The following CATSPER3 variants were observed in gnomAD, a reference collection of about 807,000 sequenced individuals.
CATSPER3 encodes cation channel sperm-associated protein 3.
CATSPER3 carries 23 observed loss-of-function variants against 36.6 expected under a neutral mutation model. That is an observed-to-expected ratio of 0.63 (90% CI 0.45 to 0.89). The LOEUF is 0.89. Among genes scored for constraint, CATSPER3 ranks in the 40% least tolerant of loss-of-function variants. The pLI, the probability that CATSPER3 is intolerant of heterozygous loss-of-function variation, is 0.00. For synonymous variants in CATSPER3, 172 were observed against 184.1 expected, an observed-to-expected ratio of 0.93 and a Z score of 0.53; for missense variants, 474 against 503.9, an observed-to-expected ratio of 0.94 and a Z score of 0.57.
chr5:135,009,363 C>G lies in CATSPER3; in HGVS notation c.817-8C>G, dbSNP rs753699833. On this transcript the variant is annotated splice_polypyrimidine_tract_variant and splice_region_variant and intron_variant, in intron 5 of 7. Coordinates refer to ENST00000282611, the MANE Select transcript of CATSPER3 (RefSeq NM_178019.3). ...CCTGTAGTTGACCTCCATCGTCTGA[C>G]TCTCTAGGACTCCATCAGAAAGTTT... 1 of 1,613,022 alleles carries G rather than the reference C, an allele frequency of 6.2e-7. No homozygotes were observed. Among genetic ancestry groups the G allele is most frequent in the African/African-American group, 1.3e-5 (1 of 74,928 alleles).
rs1751683784 is a variant in CATSPER3 at position 134,977,093 on chromosome 5, G to T, written c.252+7001G>T. ...TCAGGGCCTTTTCCCCATTGTCTTG[G>T]TTATTAGCACTTAGCTCCCTTTCAG... On this transcript the variant is annotated intron_variant, in intron 2 of 7. Coordinates refer to ENST00000282611, the MANE Select transcript of CATSPER3 (RefSeq NM_178019.3). 2.0e-5 allele frequency among the ~76,000 whole-genome samples: 3 copies of T among 152,186 alleles called. No homozygotes were observed. The South Asian group carries it at 6.2e-4, about 31-fold the overall frequency.
At position 135,009,372 on chromosome 5, in the gene CATSPER3, A is replaced by T. The variant is rs72800379; in HGVS notation, c.818A>T (p.Asp273Val). Residue 273 changes from aspartate to valine, a missense_variant and splice_region_variant, in exon 6 of 8, where the codon GAC (aspartate) becomes GTC (valine). By Grantham distance (152) the Asp-to-Val change is radical. Transcript: ENST00000282611. ...FVGVMIMHTE[D>V]SIRKFERELM... is the part of the protein sequence containing the mutation. ...GACCTCCATCGTCTGACTCTCTAGG[A>T]CTCCATCAGAAAGTTTGAGCGAGAG... is the stretch of plus-strand genomic sequence containing the variant. 2 of 1,613,128 alleles carry T rather than the reference A, an allele frequency of 1.2e-6. No homozygotes were observed. The highest frequency in any genetic ancestry group is 8.5e-7 in the Non-Finnish European group (1 of 1,179,524).
intron 3 of CATSPER3, among the ~76,000 whole-genome samples, chr5:135,007,411 G>A (rs1022948002): frequency 6.6e-6 from 1 of 152,222 alleles, no homozygotes; most frequent in Non-Finnish European, 1.5e-5. Flanking sequence ...GCAATGTAGC[G>A]GGGAGATAAG....
rs138583631 is a variant in CATSPER3 at position 135,008,851 on chromosome 5, G to A, written c.686G>A (p.Trp229Ter). The change falls in exon 5 of 8, where the codon TGG (tryptophan) becomes TAG (stop). Residue 229 changes from tryptophan (W) to a stop codon, truncating the protein, a stop_gained. Coordinates refer to ENST00000282611, the MANE Select transcript of CATSPER3 (RefSeq NM_178019.3). LOFTEE classifies it high-confidence loss of function. ...TCCCTGCCTGAGCAGGTTGATGGCT[G>A]GACAGACCTGCAGAAGCAGTTGGAC... ...TLFSLATVDG[W>*]TDLQKQLDNR... 5.0e-6 allele frequency: 8 copies of A among 1,613,968 alleles called. No individual in the cohort carries two copies. In the African/African-American group the frequency reaches 1.1e-4, roughly 22 times the overall value.
At chr5:135,005,230 A>C (rs1175413048) in intron 3 of CATSPER3, among the ~76,000 whole-genome samples, 1 of 152,070 alleles carries the variant, frequency 6.6e-6, no homozygotes, top group African/African-American at 2.4e-5. Flanking sequence ...CTGCTGGCCA[A>C]GGGCTGTATC....
intron 3 of CATSPER3, among the ~76,000 whole-genome samples, chr5:134,997,564 C>T (rs1233186214): frequency 2.6e-5 from 4 of 152,222 alleles, no homozygotes; most frequent in Non-Finnish European, 4.4e-5. Context: ...GCCTCCTTGT[C>T]TCCAAATCCA....
At chr5:134,969,848 G>A in intron 1 of CATSPER3, 91 bp from the exon 2 acceptor site, 3 of 1,311,674 alleles carry the variant, frequency 2.3e-6, no homozygotes, top group Non-Finnish European at 2.2e-6. Context: ...AAGGGAGAAA[G>A]CAGAGCCTTG....
Position 134,969,970 on chromosome 5 carries a change from AAG to A in CATSPER3, c.135_136del (p.Arg45SerfsTer8), listed in dbSNP as rs1751581097. 6.2e-7 allele frequency: 1 copy of A among 1,614,072 alleles called. No homozygotes were observed. The highest frequency in any genetic ancestry group is 1.1e-5 in the South Asian group (1 of 91,070). On this transcript the variant is annotated frameshift_variant, in exon 2 of 8. Coordinates refer to ENST00000282611, the MANE Select transcript of CATSPER3 (RefSeq NM_178019.3). LOFTEE classifies it high-confidence loss of function. ...RNDDECRAFV[K>X]RVIMSRFFKI... Reference sequence around the variant, plus strand: ...CGATGATGAATGTCGGGCATTTGTGAAGAGAGTCATAATGAGCCGTTTCTTTA... The same window carrying A: ...CGATGATGAATGTCGGGCATTTGTGAAGAGTCATAATGAGCCGTTTCTTTA...
At position 134,999,615 on chromosome 5, in the gene CATSPER3, A is replaced by G. The variant is rs570785612; in HGVS notation, c.492+3103A>G. On this transcript the variant is annotated intron_variant, in intron 3 of 7. Transcript: ENST00000282611. ...AGTGGTTTGTAGTTCTCCTTGAAGA[A>G]GTCCTTCACATCCCTTGTAAGTTGG... 9.9e-5 allele frequency among the ~76,000 whole-genome samples: 15 copies of G among 152,282 alleles called. No individual in the cohort carries two copies. In the East Asian group the frequency reaches 2.7e-3, roughly 27 times the overall value.
At chr5:135,006,194 G>A (rs1215356915) in intron 3 of CATSPER3, among the ~76,000 whole-genome samples, 1 of 152,328 alleles carries the variant, frequency 6.6e-6, no homozygotes. Context: ...GAGGGCCTGC[G>A]TGGATTGTGC....
chr5:134,972,536 A>C (rs1162672102), intron 2 of CATSPER3, among the ~76,000 whole-genome samples: 1 of 152,218 alleles, frequency 6.6e-6, no homozygotes, highest in Non-Finnish European at 1.5e-5. Flanking sequence ...ATTGCAACAG[A>C]TAATAGCTTA....
intron 2 of CATSPER3, among the ~76,000 whole-genome samples, chr5:134,970,318 C>T (rs1447773310): frequency 6.6e-6 from 1 of 152,068 alleles, no homozygotes; most frequent in African/African-American, 2.4e-5. Flanking sequence ...CCCGCCACCA[C>T]GCCCAGCTAA....
chr5:135,008,055 C>T lies in CATSPER3; in HGVS notation c.591C>T (p.Cys197=). 1 of 1,614,074 alleles carries T rather than the reference C, an allele frequency of 6.2e-7. No homozygotes were observed. The highest frequency in any genetic ancestry group is 8.5e-7 in the Non-Finnish European group (1 of 1,179,918). ...LMYIFAILGF[C]LFGSPDNGDH... ...ACATCTTCGCTATCTTGGGCTTCTGCCTGTTTGGATCTCCAGACAATGGTG... is the reference window on the plus strand; with the variant it reads ...ACATCTTCGCTATCTTGGGCTTCTGTCTGTTTGGATCTCCAGACAATGGTG... Residue 197 remains cysteine (C), a synonymous_variant, in exon 4 of 8, where the codon TGC becomes TGT. Coordinates refer to ENST00000282611, the MANE Select transcript of CATSPER3 (RefSeq NM_178019.3).
intron 2 of CATSPER3, among the ~76,000 whole-genome samples, chr5:134,994,161 T>G (rs989247306): frequency 2.0e-5 from 3 of 152,144 alleles, no homozygotes; most frequent in African/African-American, 7.2e-5. Context: ...GTCAATGTGA[T>G]AAGTCGGTGT....
chr5:135,010,259 C>T, intron 6 of CATSPER3, 114 bp from the exon 7 acceptor site: 1 of 922,170 alleles, frequency 1.1e-6, no homozygotes, highest in Non-Finnish European at 1.8e-6. Flanking sequence ...AAGCTTCCTT[C>T]CAGGACCAGG....
intron 2 of CATSPER3, among the ~76,000 whole-genome samples, chr5:134,984,164 C>T (rs939059829): frequency 1.3e-5 from 2 of 152,146 alleles, no homozygotes; most frequent in African/African-American, 4.8e-5. Flanking sequence ...ACATCTAACA[C>T]CTGAAACCAC....
chr5:134,981,476 A>T (rs974465712), intron 2 of CATSPER3, among the ~76,000 whole-genome samples: 2 of 152,096 alleles, frequency 1.3e-5, no homozygotes, highest in African/African-American at 2.4e-5. Flanking sequence ...ACAGAGTGAG[A>T]CTCTGTCTCA....
rs1751558409 is a variant in CATSPER3 at position 134,968,270 on chromosome 5, G to A, written c.98+181G>A. The A allele has an allele frequency of 6.5e-6, 4 of 619,282 alleles. No homozygotes were observed. In the South Asian group the frequency reaches 7.2e-5, roughly 11 times the overall value. 38.4% of individuals were successfully genotyped at this position (619,282 alleles called of 1,614,324 possible). ...GGCTGGCATGCTATTACCTTTATGT[G>A]CCCTGTAGACTTGAATGACCAGTTT... On this transcript the variant is annotated intron_variant, in intron 1 of 7. Coordinates refer to ENST00000282611, the MANE Select transcript of CATSPER3 (RefSeq NM_178019.3).
chr5:134,994,425 G>T (rs1751919141), intron 2 of CATSPER3, among the ~76,000 whole-genome samples: 1 of 152,198 alleles, frequency 6.6e-6, no homozygotes, highest in African/African-American at 2.4e-5. Flanking sequence ...TGTTAGCAAA[G>T]ATGTAGAACA....
Sources: allele counts gnomAD v4.1 joint callset (sites outside exome capture counted in the v4.1 genomes callset), GRCh38; gene constraint gnomAD v4.1.1; transcripts MANE v1.5; gene names NCBI Gene and HGNC (gene_info 2026-07-23, HGNC 2026-07-21).